Variants in LINGO2 observed in about 807,000 individuals in gnomAD.
LINGO2 encodes the protein leucine rich repeat and Ig domain containing 2.
In LINGO2, 14 loss-of-function variants were observed where a neutral mutation model predicts 30.6. That is an observed-to-expected ratio of 0.46 (90% confidence interval 0.30 to 0.72). The LOEUF (loss-of-function observed/expected upper bound fraction) is 0.72. Among genes scored for constraint, LINGO2 ranks in the 30% least tolerant of loss-of-function variants. LINGO2 has a pLI of 0.07. For synonymous variants in LINGO2, 317 were observed against 288.5 expected, an observed-to-expected ratio of 1.10 and a Z score of -1.00; for missense variants, 729 against 751.7, an observed-to-expected ratio of 0.97 and a Z score of 0.35.
the LINGO2 span, among the ~76,000 whole-genome samples, chr9:28,750,337 AT>A: frequency 2.6e-5 from 4 of 152,244 alleles, no homozygotes; most frequent in Admixed American, 6.5e-5. Context: ...GTAAGCCAAG[AT>A]TCTATTTTCC....
At chr9:29,189,210 T>A in the LINGO2 span, among the ~76,000 whole-genome samples, 5 of 121,662 alleles carry the variant, frequency 4.1e-5, no homozygotes, top group African/African-American at 6.4e-5. Context: ...CACTTCCCAG[T>A]AGGGGCGGCC....
the LINGO2 span, among the ~76,000 whole-genome samples, chr9:28,811,494 C>A: frequency 6.6e-6 from 1 of 152,106 alleles, no homozygotes; most frequent in East Asian, 1.9e-4. Flanking sequence ...ACCCAAACCT[C>A]TAATCCTGAG....
chr9:28,985,162 T>C, the LINGO2 span, among the ~76,000 whole-genome samples: 1 of 152,144 alleles, frequency 6.6e-6, no homozygotes, highest in East Asian at 1.9e-4. Flanking sequence ...CCTAATATTC[T>C]CCAATTCCAT....
intron 4 of LINGO2, among the ~76,000 whole-genome samples, chr9:28,093,564 T>C (rs1826160007): frequency 6.6e-6 from 1 of 152,134 alleles, no homozygotes; most frequent in South Asian, 2.1e-4. Context: ...CCAAAACTTT[T>C]AATATTTTTC....
At chr9:28,045,934 A>G (rs1824401406) in intron 4 of LINGO2, among the ~76,000 whole-genome samples, 1 of 152,182 alleles carries the variant, frequency 6.6e-6, no homozygotes, top group Non-Finnish European at 1.5e-5. Context: ...TGAAAAGCAA[A>G]GAGTTAAACT....
At chr9:28,339,844 GA>G (rs561324584) in intron 3 of LINGO2, among the ~76,000 whole-genome samples, 13 of 152,162 alleles carry the variant, frequency 8.5e-5, no homozygotes, top group Non-Finnish European at 1.5e-4. Context: ...TTGTGGTAGT[GA>G]AAAATTCTGG....
chr9:28,076,200 AC>A (rs1210699872), intron 4 of LINGO2, among the ~76,000 whole-genome samples: 1 of 152,142 alleles, frequency 6.6e-6, no homozygotes, highest in Non-Finnish European at 1.5e-5. Context: ...TCTTCTAAAT[AC>A]TATCTTAGAA....
At chr9:28,619,225 T>A (rs895183696) in intron 1 of LINGO2, among the ~76,000 whole-genome samples, 2 of 152,164 alleles carry the variant, frequency 1.3e-5, no homozygotes, top group African/African-American at 4.8e-5. Context: ...ATTGCTGATG[T>A]ATGTAACACA....
intron 4 of LINGO2, among the ~76,000 whole-genome samples, chr9:28,251,515 A>G (rs1357508113): frequency 2.0e-5 from 3 of 152,168 alleles, no homozygotes; most frequent in African/African-American, 7.2e-5. Flanking sequence ...TCCTGAAAAC[A>G]TGTATGTAAT....
chr9:28,459,098 T>A (rs1336375261), intron 2 of LINGO2, among the ~76,000 whole-genome samples: 1 of 152,132 alleles, frequency 6.6e-6, no homozygotes, highest in East Asian at 1.9e-4. Context: ...CCAATAGTAC[T>A]CTACAAAATT....
rs149707054 is a variant in LINGO2 at position 27,994,011 on chromosome 9, T to C, written c.-36+18344A>G. Among the ~76,000 whole-genome samples the C allele has an allele frequency of 3.9e-3, 598 of 151,952 alleles. 3 individuals are homozygous for C. The highest frequency in any genetic ancestry group is 7.3e-3 in the Non-Finnish European group (496 of 67,944). The stretch of plus-strand genomic sequence containing the variant: ...AAATAACGAGGAACTTTGGAAACTG[T>C]ACAAAAAATATGGAAATTAATCAAC... On this transcript the variant is annotated intron_variant, in intron 5 of 5. Transcript: ENST00000379992.
chr9:28,516,496 T>C (rs1006931697), intron 1 of LINGO2, among the ~76,000 whole-genome samples: 1 of 152,144 alleles, frequency 6.6e-6, no homozygotes, highest in Non-Finnish European at 1.5e-5. Flanking sequence ...GGGTGTGGTA[T>C]CTCCCTGCCT....
chr9:28,374,663 A>C (rs1235010892), intron 2 of LINGO2, among the ~76,000 whole-genome samples: 2 of 152,146 alleles, frequency 1.3e-5, no homozygotes, highest in Non-Finnish European at 2.9e-5. Context: ...GTAATTGTTT[A>C]GGATTGTTTC....
At chr9:28,797,965 A>G in the LINGO2 span, among the ~76,000 whole-genome samples, 4 of 152,118 alleles carry the variant, frequency 2.6e-5, no homozygotes, top group Non-Finnish European at 5.9e-5. Flanking sequence ...TAGAAGCTCA[A>G]TGAAGAGAGA....
At chr9:28,137,902 T>C (rs1259955951) in intron 4 of LINGO2, among the ~76,000 whole-genome samples, 1 of 152,206 alleles carries the variant, frequency 6.6e-6, no homozygotes, top group East Asian at 1.9e-4. Context: ...ATATTTTTGA[T>C]TGTTCCATGA....
chr9:28,578,557 C>T (rs1373678440), intron 1 of LINGO2, among the ~76,000 whole-genome samples: 1 of 152,060 alleles, frequency 6.6e-6, no homozygotes, highest in African/African-American at 2.4e-5. Context: ...CAATTTATAA[C>T]ATGGTAGTTT....
At chr9:28,145,680 C>G (rs910701598) in intron 4 of LINGO2, among the ~76,000 whole-genome samples, 1 of 151,814 alleles carries the variant, frequency 6.6e-6, no homozygotes, top group Non-Finnish European at 1.5e-5. Flanking sequence ...CTCCTTCTCC[C>G]TCTCTCTCTC....
intron 1 of LINGO2, among the ~76,000 whole-genome samples, chr9:28,587,887 C>G (rs1301325203): frequency 6.6e-6 from 1 of 151,942 alleles, no homozygotes; most frequent in Non-Finnish European, 1.5e-5. Context: ...TTTGTGAAAA[C>G]AGTGGCCGTT....
intron 4 of LINGO2, among the ~76,000 whole-genome samples, chr9:28,030,842 A>G (rs530331453): frequency 6.8e-6 from 1 of 148,012 alleles, no homozygotes; most frequent in Admixed American, 6.6e-5. Flanking sequence ...AAAAACAAAA[A>G]AAGCAGACAA....
Sources: gnomAD v4.1 joint callset for allele counts (sites outside exome capture counted in the v4.1 genomes callset) on GRCh38, gnomAD v4.1.1 for gene constraint, MANE v1.5 for transcripts, NCBI Gene and HGNC (gene_info 2026-07-23, HGNC 2026-07-21) for gene names.